GJB7: variants seen among roughly 807,000 people sequenced by gnomAD.
GJB7 encodes gap junction beta-7 protein.
For synonymous variants in GJB7, 87 were observed against 95.2 expected (o/e 0.91, Z 0.50); for missense variants, 253 against 256.8 (o/e 0.99, Z 0.10).
At chr6:87,288,057 C>T (rs1158836256) in intron 2 of GJB7, among the ~76,000 whole-genome samples, 1 of 152,036 alleles carries the variant, frequency 6.6e-6, no homozygotes, top group Admixed American at 6.5e-5. Flanking sequence ...TGCCCACCAC[C>T]ACGGCTGGCT....
In GJB7 at chr6:87,293,414, A is replaced by G. The variant is rs559598013; in HGVS notation, c.-27-8475T>C. 1.5e-4 allele frequency among the ~76,000 whole-genome samples: 23 copies of G among 152,342 alleles called. No individual in the cohort carries two copies. In the South Asian group the frequency reaches 4.6e-3, roughly 30 times the overall value. On this transcript the variant is annotated intron_variant, in intron 2 of 2. Transcript: ENST00000525899. ...GATAAATTACCAGATAAATCCAATA[A>G]AGCAGATATTGCTTTGTTTTCTGGG... is the stretch of plus-strand genomic sequence containing the variant.
intron 1 of GJB7, among the ~76,000 whole-genome samples, chr6:87,326,208 A>T (rs941093070): frequency 1.3e-5 from 2 of 152,176 alleles, no homozygotes; most frequent in Non-Finnish European, 2.9e-5. Context: ...TGATCCGTTC[A>T]AAAAACCAGC....
chr6:87,302,644 C>T (rs951105009), intron 2 of GJB7, among the ~76,000 whole-genome samples: 4 of 152,208 alleles, frequency 2.6e-5, no homozygotes, highest in Non-Finnish European at 5.9e-5. Flanking sequence ...CCTAGCAAGG[C>T]AGGCCAACAT....
intron 2 of GJB7, among the ~76,000 whole-genome samples, chr6:87,294,879 T>A (rs1776227859): frequency 6.6e-6 from 1 of 152,228 alleles, no homozygotes; most frequent in African/African-American, 2.4e-5. Context: ...CCATAGACTC[T>A]GAGTTCAAAC....
At chr6:87,298,328 C>T (rs1186639645) in intron 2 of GJB7, among the ~76,000 whole-genome samples, 1 of 152,196 alleles carries the variant, frequency 6.6e-6, no homozygotes, top group Non-Finnish European at 1.5e-5. Context: ...GATATAGAAG[C>T]AGCACAGGCC....
chr6:87,315,346 C>T (rs1323352250), intron 2 of GJB7, among the ~76,000 whole-genome samples: 1 of 152,144 alleles, frequency 6.6e-6, no homozygotes, highest in Non-Finnish European at 1.5e-5. Context: ...AAAAAGGGCA[C>T]AAACCCAAAC....
intron 2 of GJB7, among the ~76,000 whole-genome samples, chr6:87,294,699 CA>C (rs1776224750): frequency 6.6e-6 from 1 of 152,190 alleles, no homozygotes; most frequent in East Asian, 1.9e-4. Context: ...GTCTAAAAGA[CA>C]GTGACCAGGG....
At chr6:87,317,619 T>C (rs903793563) in intron 2 of GJB7, among the ~76,000 whole-genome samples, 5 of 152,008 alleles carry the variant, frequency 3.3e-5, no homozygotes, top group African/African-American at 1.2e-4. Context: ...TTAGTAGAAA[T>C]GGGGTTTCAT....
chr6:87,312,431 A>T (rs1026013433), intron 2 of GJB7, among the ~76,000 whole-genome samples: 3 of 151,516 alleles, frequency 2.0e-5, no homozygotes, highest in African/African-American at 7.3e-5. Flanking sequence ...GAATTGCTTG[A>T]ACTCGCGAGG....
chr6:87,292,563 T>TA (rs1158262454), intron 2 of GJB7, among the ~76,000 whole-genome samples: 1 of 152,136 alleles, frequency 6.6e-6, no homozygotes, highest in African/African-American at 2.4e-5. Context: ...TCTATGTATA[T>TA]AAAAAACAGA....
At chr6:87,315,986 TG>T (rs1478463468) in intron 2 of GJB7, among the ~76,000 whole-genome samples, 1 of 152,132 alleles carries the variant, frequency 6.6e-6, no homozygotes, top group Non-Finnish European at 1.5e-5. Flanking sequence ...TTCTGTCATT[TG>T]CAACTGAAAT....
intron 2 of GJB7, among the ~76,000 whole-genome samples, chr6:87,292,610 CCTTT>C (rs1212519422): frequency 3.3e-5 from 5 of 151,992 alleles, no homozygotes; most frequent in Non-Finnish European, 5.9e-5. Context: ...AGTACTTTAT[CCTTT>C]TATGGAACCA....
intron 2 of GJB7, among the ~76,000 whole-genome samples, chr6:87,313,870 A>C (rs983710263): frequency 1.3e-5 from 2 of 152,214 alleles, no homozygotes; most frequent in African/African-American, 4.8e-5. Flanking sequence ...GGCTCTGAGA[A>C]TGGGATCTTG....
intron 2 of GJB7, among the ~76,000 whole-genome samples, chr6:87,314,838 G>T (rs1209340215): frequency 2.0e-5 from 3 of 152,192 alleles, no homozygotes; most frequent in African/African-American, 7.2e-5. Context: ...GAGCTTGCAT[G>T]GAGCTCCATG....
At chr6:87,299,344 C>G (rs1169629366) in intron 2 of GJB7, 9 of 472,280 alleles carry the variant, frequency 1.9e-5, no homozygotes, top group Non-Finnish European at 3.4e-5. Flanking sequence ...AAAGGGTGTC[C>G]TCACAGTAAA....
chr6:87,313,304 A>C (rs1328303818), intron 2 of GJB7, among the ~76,000 whole-genome samples: 1 of 152,238 alleles, frequency 6.6e-6, no homozygotes, highest in Non-Finnish European at 1.5e-5. Flanking sequence ...AAGACTTTTC[A>C]GTTTTATTTG....
intron 1 of GJB7, 130 bp from the exon 2 acceptor site, chr6:87,323,173 G>C (rs1264928891): frequency 3.9e-5 from 6 of 152,244 alleles, no homozygotes. Flanking sequence ...ATGAGACTCA[G>C]ATTGTCAGTA....
At chr6:87,320,284 AATAC>A (rs1247264501) in intron 2 of GJB7, among the ~76,000 whole-genome samples, 1 of 152,214 alleles carries the variant, frequency 6.6e-6, no homozygotes, top group Admixed American at 6.5e-5. Flanking sequence ...GTACCCCATA[AATAC>A]ATACACATAA....
intron 2 of GJB7, among the ~76,000 whole-genome samples, chr6:87,309,918 A>G (rs1430376890): frequency 6.6e-6 from 1 of 152,224 alleles, no homozygotes; most frequent in Non-Finnish European, 1.5e-5. Flanking sequence ...ACCTTGCTGC[A>G]GAACACCTTG....
Sources: allele counts gnomAD v4.1 joint callset (sites outside exome capture counted in the v4.1 genomes callset), GRCh38; gene constraint gnomAD v4.1.1; transcripts MANE v1.5; gene names NCBI Gene and HGNC (gene_info 2026-07-23, HGNC 2026-07-21).